Variants in ASB5 observed in about 807,000 individuals in gnomAD.
ASB5 encodes ankyrin repeat and SOCS box protein 5.
Under a neutral mutation model 42.1 loss-of-function variants are expected in ASB5, and 45 were observed. The ratio of observed to expected loss-of-function variants is 1.07; its 90% CI spans 0.84 to 1.37. ASB5 has a LOEUF of 1.37. Among genes scored for constraint, ASB5 ranks in the 40% most tolerant of loss-of-function variants. ASB5 has a pLI of 0.00. For synonymous variants in ASB5, 147 were observed against 150.6 expected, an observed-to-expected ratio of 0.98 and a Z score of 0.18; for missense variants, 402 against 399.8, an observed-to-expected ratio of 1.01 and a Z score of -0.05.
At chr4:176,217,867 C>T (rs371227408) in intron 5 of ASB5, among the ~76,000 whole-genome samples, 3 of 151,924 alleles carry the variant, frequency 2.0e-5, no homozygotes, top group African/African-American at 7.2e-5. Flanking sequence ...TTTTCCGATA[C>T]TATCTTTAAA....
chr4:176,215,744 A>G lies in ASB5; in HGVS notation c.863-17T>C. 1.3e-6 allele frequency: 2 copies of G among 1,594,680 alleles called. No individual in the cohort carries two copies. The highest frequency in any genetic ancestry group is 1.7e-6 in the Non-Finnish European group (2 of 1,172,072). ...TTGGGGTAGCTACAAGAAGACATGA[A>G]TCTATTTGTTAATTAAAATAGAAAT... On this transcript the variant is annotated splice_polypyrimidine_tract_variant and intron_variant, in intron 6 of 6. Transcript: ENST00000296525.
intron 1 of ASB5, chr4:176,237,416 A>G (rs1373270967): frequency 1.0e-6 from 1 of 985,888 alleles, no homozygotes; most frequent in Non-Finnish European, 1.2e-6. Flanking sequence ...ATCTGCGGAC[A>G]TAGTTTGGTT....
At chr4:176,240,631 AC>A (rs1021328611) in intron 1 of ASB5, among the ~76,000 whole-genome samples, 1 of 152,218 alleles carries the variant, frequency 6.6e-6, no homozygotes, top group African/African-American at 2.4e-5. Context: ...GAGTGAGTAA[AC>A]GTTTTCAAGA....
In ASB5 at chr4:176,215,552, A is replaced by C. The variant is rs1270735956; in HGVS notation, c.*48T>G. ...TTATATGAACTATTCCTTAAGCAAA[A>C]GAAATAGAAATTTTGATTTTCAAGG... is the stretch of plus-strand genomic sequence containing the variant. On this transcript the variant is annotated 3_prime_UTR_variant, in exon 7 of 7. Transcript: ENST00000296525. 1 of 1,571,002 alleles carries C rather than the reference A, an allele frequency of 6.4e-7. No homozygotes were observed. Among genetic ancestry groups the C allele is most frequent in the Non-Finnish European group, 8.7e-7 (1 of 1,148,604 alleles).
At chr4:176,238,057 A>G in intron 1 of ASB5, among the ~76,000 whole-genome samples, 1 of 152,110 alleles carries the variant, frequency 6.6e-6, no homozygotes, top group East Asian at 1.9e-4. Flanking sequence ...CCCCGTCTTT[A>G]CTAAAAATAC....
chr4:176,245,385 A>C (rs1753890408), intron 1 of ASB5, among the ~76,000 whole-genome samples: 2 of 152,342 alleles, frequency 1.3e-5, no homozygotes, highest in African/African-American at 4.8e-5. Flanking sequence ...ATCATTAAAA[A>C]GTCAGGAAAC....
chr4:176,216,898 G>T lies in ASB5; in HGVS notation c.782C>A (p.Ala261Asp), dbSNP rs773579617. ...LLLEFGADIN[A>D]KNTELLRPID... Reference sequence around the variant, plus strand: ...AGGTCGCAGAAGCTCTGTATTTTTGGCATTGATATCTGCTCCAAATTCTAG... The same window carrying T: ...AGGTCGCAGAAGCTCTGTATTTTTGTCATTGATATCTGCTCCAAATTCTAG... The change falls in exon 6 of 7, where the codon GCC (alanine) becomes GAC (aspartate). Residue 261 changes from alanine (A) to aspartate (D), a missense_variant. Coordinates refer to ENST00000296525, the MANE Select transcript of ASB5 (RefSeq NM_080874.4). The T allele has an allele frequency of 1.9e-6, 3 of 1,613,858 alleles. No individual in the cohort carries two copies. The highest frequency in any genetic ancestry group is 2.5e-6 in the Non-Finnish European group (3 of 1,179,942).
Position 176,215,523 on chromosome 4 carries a change from A to AT in ASB5, c.*76dup. On this transcript the variant is annotated 3_prime_UTR_variant, in exon 7 of 7. Coordinates refer to ENST00000296525, the MANE Select transcript of ASB5 (RefSeq NM_080874.4). ...CTCACTTTTATCCTATCTTTAGCAT[A>AT]TTTTTATATGAACTATTCCTTAAGC... is the stretch of plus-strand genomic sequence containing the variant. 6.9e-7 allele frequency: 1 copy of AT among 1,450,634 alleles called. No homozygotes were observed. Among genetic ancestry groups the AT allele is most frequent in the Non-Finnish European group, 9.4e-7 (1 of 1,065,044 alleles). The allele number at this position is 1,450,634 out of a possible 1,614,324, so 89.9% of individuals were successfully genotyped here.
intron 1 of ASB5, among the ~76,000 whole-genome samples, chr4:176,227,840 G>A (rs112369903): frequency 1.6e-4 from 24 of 152,164 alleles, no homozygotes; most frequent in African/African-American, 5.8e-4. Flanking sequence ...TTTAGCCAGT[G>A]GTAACAGCAT....
intron 1 of ASB5, among the ~76,000 whole-genome samples, chr4:176,264,171 G>A (rs896820782): frequency 1.3e-5 from 2 of 152,146 alleles, no homozygotes; most frequent in Non-Finnish European, 2.9e-5. Context: ...CGTGAAAGGA[G>A]CGCCTGAAGA....
intron 1 of ASB5, among the ~76,000 whole-genome samples, chr4:176,231,302 C>T (rs1000365629): frequency 6.6e-6 from 1 of 151,850 alleles, no homozygotes; most frequent in Non-Finnish European, 1.5e-5. Flanking sequence ...TTTTAAGGAG[C>T]TCCAAGCTCC....
intron 1 of ASB5, among the ~76,000 whole-genome samples, chr4:176,228,478 A>T: frequency 6.6e-6 from 1 of 152,224 alleles, no homozygotes; most frequent in East Asian, 1.9e-4. Context: ...CTCCCAAAAG[A>T]AGACTAATGT....
chr4:176,237,727 A>G (rs1753720721), intron 1 of ASB5, among the ~76,000 whole-genome samples: 1 of 152,240 alleles, frequency 6.6e-6, no homozygotes, highest in South Asian at 2.1e-4. Context: ...AAAAGTGGGT[A>G]TAATTGCTTT....
chr4:176,232,727 G>A (rs1334637180), intron 1 of ASB5, among the ~76,000 whole-genome samples: 17 of 152,146 alleles, frequency 1.1e-4, no homozygotes, highest in Admixed American at 1.1e-3. Flanking sequence ...GGGAAATAAT[G>A]TCTGGCATCT....
chr4:176,227,912 AC>A (rs1753423671), intron 1 of ASB5, among the ~76,000 whole-genome samples: 1 of 151,714 alleles, frequency 6.6e-6, no homozygotes, highest in South Asian at 2.1e-4. Context: ...TCCTTCTAAC[AC>A]CCCCTCCAAA....
At chr4:176,237,228 T>C in intron 1 of ASB5, 1 of 962,456 alleles carries the variant, frequency 1.0e-6, no homozygotes, top group Non-Finnish European at 1.2e-6. Context: ...AGTTAGTATT[T>C]GCAAAAACAG....
intron 1 of ASB5, among the ~76,000 whole-genome samples, chr4:176,238,933 A>G (rs1753752785): frequency 6.6e-6 from 1 of 152,208 alleles, no homozygotes; most frequent in Non-Finnish European, 1.5e-5. Context: ...CGAGTAGCTT[A>G]ATGACACCAT....
intron 1 of ASB5, among the ~76,000 whole-genome samples, chr4:176,261,341 T>C (rs1232102369): frequency 6.6e-6 from 1 of 152,218 alleles, no homozygotes; most frequent in African/African-American, 2.4e-5. Context: ...GTGGTAATTA[T>C]TTCCGTCATT....
intron 5 of ASB5, among the ~76,000 whole-genome samples, chr4:176,219,129 ATTTGTATG>A (rs1753090032): frequency 8.6e-6 from 1 of 116,894 alleles, no homozygotes; most frequent in Non-Finnish European, 1.6e-5. Flanking sequence ...TGATATATAT[ATTTGTATG>A]ATATATAAAT....
Sources: gnomAD v4.1 joint callset for allele counts (sites outside exome capture counted in the v4.1 genomes callset) on GRCh38, gnomAD v4.1.1 for gene constraint, MANE v1.5 for transcripts, NCBI Gene and HGNC (gene_info 2026-07-23, HGNC 2026-07-21) for gene names.